FRAS1: variants seen among roughly 807,000 people sequenced by gnomAD.
The protein encoded by FRAS1 is extracellular matrix organizing protein FRAS1.
A neutral mutation model predicts 435.2 loss-of-function variants in FRAS1; 290 were observed. The observed-to-expected ratio is 0.67, with a 90% confidence interval of 0.61 to 0.73. The LOEUF (loss-of-function observed/expected upper bound fraction) is 0.73. Ranked by LOEUF, FRAS1 falls within the 30% of genes least tolerant of loss-of-function variation. The pLI, the probability that FRAS1 is intolerant of heterozygous loss-of-function variation, is 0.00. For synonymous variants in FRAS1, 1,800 were observed against 1,851.0 expected (o/e 0.97, Z 0.71); for missense variants, 4,860 against 5,001.5 (o/e 0.97, Z 0.85).
intron 4 of FRAS1, among the ~76,000 whole-genome samples, chr4:78,249,048 G>GATATATATATATATGC (rs1553934019): frequency 2.9e-4 from 8 of 27,532 alleles, no homozygotes; most frequent in East Asian, 1.3e-3. Flanking sequence ...AAGAACTACT[G>GATATATATATATATGC]ATATATATAT....
intron 20 of FRAS1, among the ~76,000 whole-genome samples, chr4:78,345,591 T>C (rs923433845): frequency 4.6e-5 from 7 of 152,056 alleles, no homozygotes; most frequent in Non-Finnish European, 1.0e-4. Context: ...ATTTTCCTTA[T>C]CTTCTTTTTT....
intron 2 of FRAS1, among the ~76,000 whole-genome samples, chr4:78,085,679 G>A (rs1741114870): frequency 6.6e-6 from 1 of 152,062 alleles, no homozygotes; most frequent in Non-Finnish European, 1.5e-5. Context: ...AGACAAAGAA[G>A]GCCATTACAT....
intron 28 of FRAS1, among the ~76,000 whole-genome samples, chr4:78,386,656 C>A (rs867416577): frequency 1.3e-5 from 2 of 151,980 alleles, no homozygotes; most frequent in Admixed American, 1.3e-4. Context: ...TGGCTTCTGG[C>A]CTCAATTTTT....
At chr4:78,110,047 T>C (rs1742621742) in intron 2 of FRAS1, among the ~76,000 whole-genome samples, 3 of 13,492 alleles carry the variant, frequency 2.2e-4, no homozygotes, top group Admixed American at 8.9e-4. Context: ...TTACAAGGGA[T>C]GTGAAGGACC....
intron 20 of FRAS1, among the ~76,000 whole-genome samples, chr4:78,341,590 G>A (rs1334380415): frequency 6.6e-6 from 1 of 152,116 alleles, no homozygotes; most frequent in East Asian, 1.9e-4. Flanking sequence ...TGTTTTGTCT[G>A]CAAAAATGGT....
intron 18 of FRAS1, among the ~76,000 whole-genome samples, chr4:78,324,879 C>T (rs6823481): frequency 0.28 from 43,085 of 151,882 alleles, 6,547 homozygotes; most frequent in Non-Finnish European, 0.33. Flanking sequence ...CATGTAATTA[C>T]CCCCATTCCA....
In FRAS1 at chr4:78,428,391, C is replaced by T. The variant is rs192839314; in HGVS notation, c.4712-704C>T. 3.6e-3 allele frequency among the ~76,000 whole-genome samples: 550 copies of T among 151,876 alleles called. 7 individuals are homozygous for T. The highest frequency in any genetic ancestry group is 0.031 in the Middle Eastern group (9 of 294). Reference sequence around the variant, plus strand: ...AGGCTGGAGTGCAGTGGTGCAATCTCGGCTCACTGCAAGCTCCGCCTCCCA... The same window carrying T: ...AGGCTGGAGTGCAGTGGTGCAATCTTGGCTCACTGCAAGCTCCGCCTCCCA... On this transcript the variant is annotated intron_variant, in intron 35 of 73. Coordinates refer to ENST00000512123, the MANE Select transcript of FRAS1 (RefSeq NM_025074.7).
intron 2 of FRAS1, among the ~76,000 whole-genome samples, chr4:78,114,028 G>C (rs1248390485): frequency 6.6e-6 from 1 of 152,162 alleles, no homozygotes; most frequent in East Asian, 1.9e-4. Flanking sequence ...AAGGGATCTA[G>C]TTTCAGCTTT....
chr4:78,447,288 T>TTAAAA (rs5859623), intron 43 of FRAS1, among the ~76,000 whole-genome samples: 11 of 109,030 alleles, frequency 1.0e-4, no homozygotes, highest in Non-Finnish European at 1.5e-4. Context: ...GTTCCTTTTG[T>TTAAAA]AAAAAAAAAA....
chr4:78,136,916 C>T (rs949052357), intron 2 of FRAS1, among the ~76,000 whole-genome samples: 1 of 152,202 alleles, frequency 6.6e-6, no homozygotes, highest in East Asian at 1.9e-4. Context: ...GCGCCAGCAC[C>T]GTGCTCGGTT....
At chr4:78,336,903 A>G (rs953283875) in intron 19 of FRAS1, among the ~76,000 whole-genome samples, 15 of 152,152 alleles carry the variant, frequency 9.9e-5, no homozygotes, top group African/African-American at 3.6e-4. Flanking sequence ...GGCAGCGTCA[A>G]TGCAGCTGCA....
At chr4:78,521,187 G>A (rs539793211) in intron 67 of FRAS1, among the ~76,000 whole-genome samples, 4 of 152,274 alleles carry the variant, frequency 2.6e-5, no homozygotes, top group East Asian at 1.9e-4. Context: ...AGAAGCAGAT[G>A]TGCTGTAACC....
At chr4:78,307,551 C>A (rs1472950338) in intron 14 of FRAS1, among the ~76,000 whole-genome samples, 1 of 152,258 alleles carries the variant, frequency 6.6e-6, no homozygotes, top group Non-Finnish European at 1.5e-5. Flanking sequence ...CGGATTTAAT[C>A]TCCTGGTGCG....
At chr4:78,259,593 G>C (rs1045158139) in intron 6 of FRAS1, among the ~76,000 whole-genome samples, 3 of 151,004 alleles carry the variant, frequency 2.0e-5, no homozygotes, top group African/African-American at 4.9e-5. Context: ...GTTCATTGTA[G>C]ATTCTGGATA....
At chr4:78,302,021 C>T (rs1179134613) in intron 14 of FRAS1, among the ~76,000 whole-genome samples, 1 of 151,076 alleles carries the variant, frequency 6.6e-6, no homozygotes. Flanking sequence ...CACCCCACAA[C>T]AGTCACCAGA....
chr4:78,192,328 A>G (rs896809280), intron 2 of FRAS1, among the ~76,000 whole-genome samples: 3 of 152,066 alleles, frequency 2.0e-5, no homozygotes, highest in Non-Finnish European at 2.9e-5. Context: ...CCCTTTTTCT[A>G]TTGATAGGAA....
At chr4:78,459,848 T>C (rs1459440395) in intron 47 of FRAS1, among the ~76,000 whole-genome samples, 1 of 152,210 alleles carries the variant, frequency 6.6e-6, no homozygotes, top group Non-Finnish European at 1.5e-5. Flanking sequence ...GTTCTCCCTG[T>C]TGGGATATGT....
chr4:78,195,283 C>T (rs1722752062), intron 2 of FRAS1, among the ~76,000 whole-genome samples: 1 of 152,242 alleles, frequency 6.6e-6, no homozygotes, highest in South Asian at 2.1e-4. Flanking sequence ...GGGAGAACCA[C>T]TGCTCTCCTC....
intron 70 of FRAS1, among the ~76,000 whole-genome samples, chr4:78,530,543 T>C (rs1007319626): frequency 7.9e-5 from 12 of 152,282 alleles, no homozygotes; most frequent in African/African-American, 2.9e-4. Context: ...GAAAGGATTC[T>C]TTATTTAATA....
Sources: gnomAD v4.1 joint callset for allele counts (sites outside exome capture counted in the v4.1 genomes callset) on GRCh38, gnomAD v4.1.1 for gene constraint, MANE v1.5 for transcripts, NCBI Gene and HGNC (gene_info 2026-07-23, HGNC 2026-07-21) for gene names.